The following GOLGA8M variants were observed in gnomAD, a reference collection of about 807,000 sequenced individuals.
GOLGA8M encodes golgin subfamily A member 8M.
GOLGA8M carries 34 observed loss-of-function variants against 87.7 expected under a neutral mutation model. The ratio of observed to expected loss-of-function variants is 0.39; its 90% confidence interval spans 0.29 to 0.52. The LOEUF (loss-of-function observed/expected upper bound fraction) is 0.52. Ranked by LOEUF, GOLGA8M falls within the 20% of genes least tolerant of loss-of-function variation. GOLGA8M has a pLI of 0.80. For synonymous variants in GOLGA8M, 138 were observed against 250.2 expected (o/e 0.55, Z 4.23); for missense variants, 396 against 682.2 (o/e 0.58, Z 4.67).
Position 28,701,677 on chromosome 15 carries a change from C to T in GOLGA8M, c.*277G>A, listed in dbSNP as rs566339449. ...TCTTTGTGTGTTTGAACTTCCACCA[C>T]GTAAGGGCAAACTCGATATGCATGC... On this transcript the variant is annotated 3_prime_UTR_variant, in exon 19 of 19. Coordinates refer to ENST00000563027, the MANE Select transcript of GOLGA8M (RefSeq NM_001282468.3). 5.3e-5 allele frequency among the ~76,000 whole-genome samples: 8 copies of T among 152,094 alleles called. No homozygotes were observed. The highest frequency in any genetic ancestry group is 3.9e-4 in the East Asian group (2 of 5,180).
chr15:28,708,037 C>A lies in GOLGA8M; in HGVS notation c.397G>T (p.Val133Phe). 1.3e-6 allele frequency: 2 copies of A among 1,596,602 alleles called. No homozygotes were observed. The highest frequency in any genetic ancestry group is 1.7e-6 in the Non-Finnish European group (2 of 1,177,668). ...KKQKAKRVLEVQLQTLNIQKE... is the reference protein window; with the variant it reads ...KKQKAKRVLEFQLQTLNIQKE... Reference sequence around the variant, plus strand: ...TGTATGTTCAATGTCTGGAGTTGAACCTTTGGGAGAAAAGCCAAGCAAGTG... The same window carrying A: ...TGTATGTTCAATGTCTGGAGTTGAAACTTTGGGAGAAAAGCCAAGCAAGTG... The change falls in exon 7 of 19, where the codon GTT becomes TTT. Residue 133 changes from valine (V) to phenylalanine (F), a missense_variant and splice_region_variant. Transcript: ENST00000563027.
Position 28,708,057 on chromosome 15 carries a change from C to G in GOLGA8M, c.397-20G>C, listed in dbSNP as rs748947850. On this transcript the variant is annotated intron_variant, in intron 6 of 18. Transcript: ENST00000563027. ...TTGAACCTTTGGGAGAAAAGCCAAG[C>G]AAGTGCTGAAAGAGAAGGAAAGAAA... 1.2e-6 allele frequency: 2 copies of G among 1,605,642 alleles called. No individual in the cohort carries two copies. The highest frequency in any genetic ancestry group is 1.3e-5 in the African/African-American group (1 of 74,208).
chr15:28,712,660 C>T (rs1247074468), upstream of GOLGA8M, among the ~76,000 whole-genome samples: 1 of 151,852 alleles, frequency 6.6e-6, no homozygotes, highest in African/African-American at 2.4e-5. Flanking sequence ...CCAGCTTTTG[C>T]TTTAACAGCT....
rs537944204 is a variant in GOLGA8M, at chr15:28,702,148, A to G, written c.1724-19T>C. ...CAAAGATCTTTGGAGAGAGGGAGGC[A>G]GGGATCTGAGCACAGTGGGAGCCCC... On this transcript the variant is annotated intron_variant, in intron 18 of 18. Transcript: ENST00000563027. 1.8e-3 allele frequency: 2,783 copies of G among 1,566,510 alleles called. 23 individuals carry two copies. Among genetic ancestry groups the G allele is most frequent in the South Asian group, 6.3e-3 (554 of 88,550 alleles).
rs2079741355 is a variant in GOLGA8M, at chr15:28,698,894, G to A, written c.*3060C>T. On this transcript the variant is annotated 3_prime_UTR_variant, in exon 19 of 19. Coordinates refer to ENST00000563027, the MANE Select transcript of GOLGA8M (RefSeq NM_001282468.3). ...TCTGTTTATAATAATTCATAAACTG[G>A]TAAAATTCATTCTAAGAAAACTTGG... is the stretch of plus-strand genomic sequence containing the variant. Among the ~76,000 whole-genome samples the A allele has an allele frequency of 7.0e-6, 1 of 142,606 alleles. No individual in the cohort carries two copies. Among genetic ancestry groups the A allele is most frequent in the Non-Finnish European group, 1.5e-5 (1 of 67,624 alleles). 93.6% of individuals were successfully genotyped at this position (142,606 alleles called of 152,430 possible).
intron 13 of GOLGA8M, among the ~76,000 whole-genome samples, chr15:28,704,508 CTT>C (rs2079944565): frequency 6.7e-6 from 1 of 150,120 alleles, no homozygotes; most frequent in Non-Finnish European, 1.5e-5. Context: ...GAAACAGAGA[CTT>C]AGAGATGCAA....
rs748726226 is a variant in GOLGA8M at position 28,702,217 on chromosome 15, C to A, written c.1720G>T (p.Gly574Cys). Residue 574 changes from glycine (G) to cysteine (C), a missense_variant, in exon 18 of 19, where the codon GGT becomes TGT. Transcript: ENST00000563027. ...PQELGAADKH[G>C]DLCEVSLTSS... is the part of the protein sequence containing the mutation. ...ACCACCTGAGGGCTGTACTCACCACCATGCTTGTCTGCAGCCCCAAGCTCC... is the reference window on the plus strand; with the variant it reads ...ACCACCTGAGGGCTGTACTCACCACAATGCTTGTCTGCAGCCCCAAGCTCC... 5 of 1,591,278 alleles carry A rather than the reference C, an allele frequency of 3.1e-6. No homozygotes were observed. The African/African-American group carries it at 5.5e-5, about 17-fold the overall frequency.
At position 28,702,500 on chromosome 15, in the gene GOLGA8M, C is replaced by T. The variant is rs1264602737; in HGVS notation, c.1532G>A (p.Gly511Glu). 1 of 1,551,048 alleles carries T rather than the reference C, an allele frequency of 6.4e-7. No homozygotes were observed. The highest frequency in any genetic ancestry group is 1.1e-5 in the South Asian group (1 of 89,848). ...TCCCTGAGCTCCAGCCTGATGGTGT[C>T]CTCCTCCCAGTGCCGCATCTTTGGC... ...GRAKDAALGG[G>E]HHQAGAQGGD... Residue 511 changes from glycine (G) to glutamate (E), a missense_variant, in exon 17 of 19, where the codon GGA (glycine) becomes GAA (glutamate). Coordinates refer to ENST00000563027, the MANE Select transcript of GOLGA8M (RefSeq NM_001282468.3).
At chr15:28,705,372 CT>C in intron 12 of GOLGA8M, 110 bp downstream of exon 12, 1 of 1,149,226 alleles carries the variant, frequency 8.7e-7, no homozygotes, top group Non-Finnish European at 1.3e-6. Context: ...TCACAGGTGC[CT>C]TTAGAAGTAA....
rs2079861422 is a variant in GOLGA8M at position 28,702,986 on chromosome 15, C to T, written c.1369-241G>A. On this transcript the variant is annotated intron_variant, in intron 15 of 18. Coordinates refer to ENST00000563027, the MANE Select transcript of GOLGA8M (RefSeq NM_001282468.3). ...GGGTGAGCCAGGCGCTGGCAGCCAC[C>T]CTCTGCTCTTTCACCTGCTCTTGTA... 1.1e-5 allele frequency: 11 copies of T among 964,116 alleles called. 2 individuals are homozygous for T. The highest frequency in any genetic ancestry group is 1.2e-5 in the Non-Finnish European group (10 of 817,216). The allele number at this position is 964,116 out of a possible 1,614,324, so 59.7% of individuals were successfully genotyped here. A position where few individuals can be genotyped will look rare whatever the true frequency, so the allele number is the denominator to read the frequency against.
rs2079741319 is a variant in GOLGA8M, at chr15:28,698,891, C to T, written c.*3063G>A. On this transcript the variant is annotated 3_prime_UTR_variant, in exon 19 of 19. Transcript: ENST00000563027. ...CATTCTGTTTATAATAATTCATAAA[C>T]TGGTAAAATTCATTCTAAGAAAACT... 7.0e-6 allele frequency among the ~76,000 whole-genome samples: 1 copy of T among 142,758 alleles called. No homozygotes were observed. The highest frequency in any genetic ancestry group is 2.7e-5 in the African/African-American group (1 of 37,688). 93.7% of individuals were successfully genotyped at this position (142,758 alleles called of 152,430 possible).
At chr15:28,704,012 C>A (rs943210246) in intron 13 of GOLGA8M, 95 bp from the exon 14 acceptor site, 34 of 1,563,958 alleles carry the variant, frequency 2.2e-5, no homozygotes, top group African/African-American at 8.2e-5. Flanking sequence ...GGGTCTCCTG[C>A]AACTTTTGGC....
rs1391233239 is a variant in GOLGA8M at position 28,711,740 on chromosome 15, G to A, written c.48+536C>T. ...TCACAACATTCCACTCCTCCTGGTC[G>A]GGGGGAGGGACCATGTCAGCACCAT... is the stretch of plus-strand genomic sequence containing the variant. On this transcript the variant is annotated intron_variant, in intron 1 of 18. Coordinates refer to ENST00000563027, the MANE Select transcript of GOLGA8M (RefSeq NM_001282468.3). 34 of 984,194 alleles carry A rather than the reference G, an allele frequency of 3.5e-5. 1 individual carries two copies. Among genetic ancestry groups the A allele is most frequent in the South Asian group, 4.7e-5 (1 of 21,242 alleles). 61.0% of individuals were successfully genotyped at this position (984,194 alleles called of 1,614,324 possible).
Sources: gnomAD v4.1 joint callset for allele counts (sites outside exome capture counted in the v4.1 genomes callset) on GRCh38, gnomAD v4.1.1 for gene constraint, MANE v1.5 for transcripts, NCBI Gene and HGNC (gene_info 2026-07-23, HGNC 2026-07-21) for gene names.